The following TRAPPC9 variants were observed in gnomAD, a reference collection of about 807,000 sequenced individuals.
TRAPPC9 encodes the protein trafficking protein particle complex subunit 9.
TRAPPC9 carries 83 observed loss-of-function variants against 124.0 expected under a neutral mutation model. The ratio of observed to expected loss-of-function variants is 0.67; its 90% CI spans 0.56 to 0.80. TRAPPC9 has a LOEUF of 0.80. TRAPPC9 is among the 30% of genes least tolerant of loss of function. The probability of loss-of-function intolerance (pLI) is 0.00; values close to 1 mark genes in which losing one functional copy is unlikely to be tolerated. For missense variants in TRAPPC9, 1,302 were observed against 1,508.3 expected (o/e 0.86, Z 2.27); for synonymous variants, 638 against 617.5 (o/e 1.03, Z -0.49).
At chr8:140,016,622 A>T (rs1839482592) in intron 18 of TRAPPC9, among the ~76,000 whole-genome samples, 1 of 152,106 alleles carries the variant, frequency 6.6e-6, no homozygotes, top group Non-Finnish European at 1.5e-5. Flanking sequence ...TGCATGTACC[A>T]GCAGTTTCTA....
chr8:140,240,134 GT>G (rs200719621), intron 16 of TRAPPC9, among the ~76,000 whole-genome samples: 5 of 151,148 alleles, frequency 3.3e-5, no homozygotes, highest in East Asian at 3.9e-4. Flanking sequence ...AAATAGACAT[GT>G]TTTTTTTTCA....
chr8:139,831,950 T>G (rs1826023391), intron 21 of TRAPPC9, among the ~76,000 whole-genome samples: 1 of 152,178 alleles, frequency 6.6e-6, no homozygotes, highest in African/African-American at 2.4e-5. Context: ...CGTTTCAGAG[T>G]GCCTATTACT....
intron 16 of TRAPPC9, among the ~76,000 whole-genome samples, chr8:140,235,034 A>C (rs1326222969): frequency 6.6e-6 from 1 of 152,148 alleles, no homozygotes; most frequent in Non-Finnish European, 1.5e-5. Flanking sequence ...GCAATGGCAC[A>C]ATCTTGGCTC....
At chr8:140,344,207 C>T (rs2067272302) in intron 9 of TRAPPC9, among the ~76,000 whole-genome samples, 2 of 152,158 alleles carry the variant, frequency 1.3e-5, no homozygotes, top group African/African-American at 4.8e-5. Context: ...GGAAGTGGCC[C>T]TCACAGGACA....
In TRAPPC9 at chr8:140,147,878, G is replaced by A. The variant is rs138589230; in HGVS notation, c.2556+73581C>T. ...GCACATGGAGCCTGTGACCAGACCC[G>A]GCAGGTCTAAGGCGTTGCCACCTCG... On this transcript the variant is annotated intron_variant, in intron 17 of 22. Transcript: ENST00000438773. 1.7e-3 allele frequency among the ~76,000 whole-genome samples: 257 copies of A among 152,374 alleles called. 1 individual carries two copies. The highest frequency in any genetic ancestry group is 3.2e-3 in the Non-Finnish European group (219 of 68,038).
intron 17 of TRAPPC9, among the ~76,000 whole-genome samples, chr8:140,053,918 A>C (rs1321671015): frequency 6.6e-6 from 1 of 152,196 alleles, no homozygotes; most frequent in Admixed American, 6.5e-5. Context: ...TACGAAATCA[A>C]CCTAGATGCC....
At chr8:139,893,247 C>A (rs889205822) in intron 20 of TRAPPC9, among the ~76,000 whole-genome samples, 3 of 152,192 alleles carry the variant, frequency 2.0e-5, no homozygotes, top group African/African-American at 7.2e-5. Context: ...ACTTGGAGAT[C>A]CACATCCTCA....
chr8:140,458,517 C>T (rs1019866616), upstream of TRAPPC9: 1 of 1,583,482 alleles, frequency 6.3e-7, no homozygotes, highest in Non-Finnish European at 8.6e-7. Flanking sequence ...CAGCCTGGGC[C>T]GGCTTCCCCC....
intron 21 of TRAPPC9, among the ~76,000 whole-genome samples, chr8:139,815,009 G>A (rs951881543): frequency 3.3e-5 from 5 of 152,180 alleles, no homozygotes; most frequent in African/African-American, 7.2e-5. Flanking sequence ...GTATGTGTAC[G>A]GCAAAGCTGC....
chr8:139,886,453 G>A (rs910006246), intron 20 of TRAPPC9, among the ~76,000 whole-genome samples: 3 of 152,038 alleles, frequency 2.0e-5, no homozygotes, highest in Non-Finnish European at 2.9e-5. Flanking sequence ...GCTCATAATC[G>A]AGGAAGCCAT....
chr8:139,881,624 C>A (rs1450400016), intron 21 of TRAPPC9, among the ~76,000 whole-genome samples: 10 of 152,238 alleles, frequency 6.6e-5, no homozygotes, highest in African/African-American at 2.4e-4. Context: ...GGCAAGGCTA[C>A]CTTTCTTTAG....
At chr8:140,351,595 C>T (rs992093517) in intron 9 of TRAPPC9, among the ~76,000 whole-genome samples, 5 of 152,134 alleles carry the variant, frequency 3.3e-5, no homozygotes, top group African/African-American at 1.2e-4. Context: ...AAGGCGAGAC[C>T]TCATCTCTGC....
chr8:139,850,529 A>G (rs559510579), intron 21 of TRAPPC9, among the ~76,000 whole-genome samples: 19 of 152,374 alleles, frequency 1.2e-4, no homozygotes, highest in African/African-American at 3.6e-4. Flanking sequence ...TTGTTAAAGG[A>G]AGAGCAAAAT....
chr8:139,806,896 G>T (rs537826914), intron 21 of TRAPPC9, among the ~76,000 whole-genome samples: 2 of 152,360 alleles, frequency 1.3e-5, no homozygotes, highest in Non-Finnish European at 2.9e-5. Context: ...AGGGGCGGGG[G>T]TGTTAAGGAG....
chr8:140,385,674 A>G (rs1348805541), intron 7 of TRAPPC9, among the ~76,000 whole-genome samples: 1 of 152,214 alleles, frequency 6.6e-6, no homozygotes, highest in Non-Finnish European at 1.5e-5. Context: ...AGCAATAATT[A>G]ATAGCTTACC....
At chr8:140,352,600 C>T (rs1242852054) in intron 9 of TRAPPC9, among the ~76,000 whole-genome samples, 1 of 152,118 alleles carries the variant, frequency 6.6e-6, no homozygotes, top group Non-Finnish European at 1.5e-5. Flanking sequence ...CACTGAATCC[C>T]CGGTTACACT....
At chr8:140,456,641 G>T in intron 1 of TRAPPC9, among the ~76,000 whole-genome samples, 1 of 152,078 alleles carries the variant, frequency 6.6e-6, no homozygotes, top group Non-Finnish European at 1.5e-5. Flanking sequence ...TCTTTAGGAC[G>T]GCAATGTTCC....
At chr8:140,447,169 C>T (rs529817993) in intron 2 of TRAPPC9, among the ~76,000 whole-genome samples, 1 of 152,186 alleles carries the variant, frequency 6.6e-6, no homozygotes, top group East Asian at 1.9e-4. Flanking sequence ...ACAAACAAAC[C>T]AAAGAATAAA....
intron 21 of TRAPPC9, among the ~76,000 whole-genome samples, chr8:139,828,592 G>A (rs887077846): frequency 2.0e-5 from 3 of 152,172 alleles, no homozygotes; most frequent in African/African-American, 7.2e-5. Context: ...GGGGCTGGGC[G>A]ATGCAATTAA....
Sources: allele counts gnomAD v4.1 joint callset (sites outside exome capture counted in the v4.1 genomes callset), GRCh38; gene constraint gnomAD v4.1.1; transcripts MANE v1.5; gene names NCBI Gene and HGNC (gene_info 2026-07-23, HGNC 2026-07-21).